Variants in LRP1B observed in about 807,000 individuals in gnomAD.
LRP1B encodes low-density lipoprotein receptor-related protein 1B.
LRP1B carries 217 observed loss-of-function variants against 556.6 expected under a neutral mutation model. The observed-to-expected ratio is 0.39, with a 90% CI of 0.35 to 0.44. The LOEUF is 0.44. Ranked by LOEUF, LRP1B falls within the 20% of genes least tolerant of loss-of-function variation. The pLI, the probability that LRP1B is intolerant of heterozygous loss-of-function variation, is 1.00. For synonymous variants in LRP1B, 2,047 were observed against 1,865.8 expected (o/e 1.10, Z -2.50); for missense variants, 5,053 against 5,620.8 (o/e 0.90, Z 3.23).
chr2:141,704,275 T>C (rs1391348204), intron 2 of LRP1B, among the ~76,000 whole-genome samples: 1 of 152,006 alleles, frequency 6.6e-6, no homozygotes, highest in East Asian at 1.9e-4. Flanking sequence ...ACTAACCTTT[T>C]TCTTATTCAA....
intron 7 of LRP1B, among the ~76,000 whole-genome samples, chr2:141,180,347 T>TAAA (rs3063854): frequency 0.05 from 7,338 of 147,000 alleles, 241 homozygotes; most frequent in East Asian, 0.16. Context: ...TAGAACTCCA[T>TAAA]AAAAAAAAAA....
intron 3 of LRP1B, among the ~76,000 whole-genome samples, chr2:141,308,350 TA>T (rs1490062058): frequency 1.3e-5 from 2 of 152,194 alleles, no homozygotes; most frequent in Non-Finnish European, 2.9e-5. Flanking sequence ...TATTATAATG[TA>T]AGCCAAAAAT....
chr2:140,616,949 C>A (rs1024574346), intron 41 of LRP1B, among the ~76,000 whole-genome samples: 1 of 151,858 alleles, frequency 6.6e-6, no homozygotes, highest in Admixed American at 6.6e-5. Flanking sequence ...TACTAACTTT[C>A]TCAACCTTAT....
intron 44 of LRP1B, 46 bp from the exon 45 acceptor site, chr2:140,541,144 G>T (rs1680120058): frequency 6.7e-7 from 1 of 1,484,652 alleles, no homozygotes; most frequent in South Asian, 1.2e-5. Context: ...TCGAATTCCT[G>T]TTCTATGTTA....
intron 83 of LRP1B, among the ~76,000 whole-genome samples, chr2:140,310,259 T>G (rs957814364): frequency 6.6e-6 from 1 of 151,770 alleles, no homozygotes; most frequent in Non-Finnish European, 1.5e-5. Context: ...AATTATATTC[T>G]CTATTTTGTG....
At chr2:141,544,488 G>A (rs1381294236) in intron 2 of LRP1B, among the ~76,000 whole-genome samples, 2 of 146,838 alleles carry the variant, frequency 1.4e-5, no homozygotes, top group Non-Finnish European at 3.0e-5. Context: ...ACTATGTTGT[G>A]CAATCAGGTC....
At chr2:141,715,123 G>T (rs1354644322) in intron 2 of LRP1B, among the ~76,000 whole-genome samples, 1 of 152,098 alleles carries the variant, frequency 6.6e-6, no homozygotes, top group Non-Finnish European at 1.5e-5. Context: ...AAAGTGTACA[G>T]GTAGAGTGTT....
chr2:141,425,563 A>G (rs1423459564), intron 3 of LRP1B, among the ~76,000 whole-genome samples: 1 of 148,228 alleles, frequency 6.7e-6, no homozygotes. Flanking sequence ...CTATTTCTCC[A>G]CATCCTCTCC....
chr2:141,005,342 A>C lies in LRP1B; in HGVS notation c.2496T>G (p.Thr832=). Residue 832 remains threonine, a synonymous_variant, in exon 15 of 91, where the codon ACT becomes ACG. Transcript: ENST00000389484. The part of the protein sequence containing the change: ...DNQLLDENGT[T]CTFNPGEALP... ...AACTTGAAAAGAACTTACATGTGCAAGTTGTCCCATTTTCATCCAAAAGTT... is the reference window on the plus strand; with the variant it reads ...AACTTGAAAAGAACTTACATGTGCACGTTGTCCCATTTTCATCCAAAAGTT... 1 of 1,609,974 alleles carries C rather than the reference A, an allele frequency of 6.2e-7. No homozygotes were observed. The highest frequency in any genetic ancestry group is 1.1e-5 in the South Asian group (1 of 90,854).
At chr2:140,960,090 G>T (rs978063074) in intron 18 of LRP1B, among the ~76,000 whole-genome samples, 1 of 151,718 alleles carries the variant, frequency 6.6e-6, no homozygotes, top group Middle Eastern at 3.4e-3. Flanking sequence ...AATACACCTT[G>T]AGATTCCTTG....
chr2:140,238,610 C>T (rs1168635535), intron 88 of LRP1B, among the ~76,000 whole-genome samples: 1 of 150,814 alleles, frequency 6.6e-6, no homozygotes, highest in African/African-American at 2.4e-5. Context: ...TAGTGATAAA[C>T]TCTAAGATTG....
At chr2:140,925,381 G>A (rs184092109) in intron 20 of LRP1B, among the ~76,000 whole-genome samples, 1 of 152,092 alleles carries the variant, frequency 6.6e-6, no homozygotes, top group East Asian at 1.9e-4. Context: ...AGACCTCCAA[G>A]GCCCAATCAG....
At chr2:141,149,918 C>A (rs1428618869) in intron 7 of LRP1B, among the ~76,000 whole-genome samples, 1 of 152,186 alleles carries the variant, frequency 6.6e-6, no homozygotes, top group Non-Finnish European at 1.5e-5. Context: ...AAATAAATCC[C>A]TGGAGGCCAA....
chr2:140,483,615 C>CACACATATATATATATATAT (rs1403726877), intron 59 of LRP1B, among the ~76,000 whole-genome samples: 1 of 88,350 alleles, frequency 1.1e-5, no homozygotes, highest in Non-Finnish European at 2.1e-5. Flanking sequence ...CACACACACA[C>CACACATATATATATATATAT]ATATATATAT....
intron 66 of LRP1B, among the ~76,000 whole-genome samples, chr2:140,429,807 C>A (rs1685838787): frequency 1.3e-5 from 2 of 152,164 alleles, no homozygotes; most frequent in African/African-American, 2.4e-5. Flanking sequence ...CACCCTAATA[C>A]TTTTGGACAC....
intron 5 of LRP1B, among the ~76,000 whole-genome samples, chr2:141,232,879 C>T (rs1573689195): frequency 1.3e-5 from 2 of 152,272 alleles, no homozygotes; most frequent in East Asian, 1.9e-4. Context: ...GCCACTGAAA[C>T]ACGAGAAACC....
At chr2:141,160,618 C>T (rs1026758339) in intron 7 of LRP1B, among the ~76,000 whole-genome samples, 13 of 151,870 alleles carry the variant, frequency 8.6e-5, no homozygotes, top group Admixed American at 2.0e-4. Context: ...ATGGATCTCA[C>T]GGGCCTTATG....
At chr2:141,794,159 G>C (rs1017078453) in intron 2 of LRP1B, among the ~76,000 whole-genome samples, 7 of 151,834 alleles carry the variant, frequency 4.6e-5, no homozygotes, top group African/African-American at 1.7e-4. Flanking sequence ...TCTTGAATGT[G>C]GGCATGACAC....
At position 140,232,117 on chromosome 2, in the gene LRP1B, T is replaced by C. The variant is rs751561188; in HGVS notation, c.*1069A>G. The C allele has an allele frequency of 1.3e-5, 2 of 151,322 alleles. No individual in the cohort carries two copies. Among genetic ancestry groups the C allele is most frequent in the Non-Finnish European group, 3.0e-5 (2 of 67,562 alleles). The allele number at this position is 151,322 out of a possible 1,614,324, so 9.4% of individuals were successfully genotyped here. A position where few individuals can be genotyped will look rare whatever the true frequency, so the allele number is the denominator to read the frequency against. On this transcript the variant is annotated 3_prime_UTR_variant, in exon 91 of 91. Transcript: ENST00000389484. Reference sequence around the variant, plus strand: ...ACTTGGAAGGCCCTTGAATATATTTTGGATAGGGCAAATAATGGGTTGCTC... The same window carrying C: ...ACTTGGAAGGCCCTTGAATATATTTCGGATAGGGCAAATAATGGGTTGCTC...
Sources: gnomAD v4.1 joint callset for allele counts (sites outside exome capture counted in the v4.1 genomes callset) on GRCh38, gnomAD v4.1.1 for gene constraint, MANE v1.5 for transcripts, NCBI Gene and HGNC (gene_info 2026-07-23, HGNC 2026-07-21) for gene names.